Variants in SPINK2 observed in about 807,000 individuals in gnomAD.
The protein encoded by SPINK2 is serine protease inhibitor Kazal-type 2.
SPINK2 carries 8 observed loss-of-function variants against 13.5 expected under a neutral mutation model. The ratio of observed to expected loss-of-function variants is 0.59; its 90% CI spans 0.35 to 1.07. SPINK2 has a LOEUF of 1.07. SPINK2 is among the 50% of genes least tolerant of loss of function. The pLI is 0.02. For missense variants in SPINK2, 148 were observed against 180.3 expected (o/e 0.82, Z 1.03); for synonymous variants, 76 against 74.7 (o/e 1.02, Z -0.09).
chr4:56,812,563 C>CAAAAAAAAAAA lies in SPINK2; in HGVS notation c.250-780_250-770dup, dbSNP rs57162077. 1.9e-3 allele frequency among the ~76,000 whole-genome samples: 31 copies of CAAAAAAAAAAA among 16,368 alleles called. 1 individual carries two copies. The highest frequency in any genetic ancestry group is 0.12 in the Middle Eastern group (2 of 16). The allele number at this position is 16,368 out of a possible 152,430, so 10.7% of individuals were successfully genotyped here. ...GGGCAACGAGAACGAAACTCCATCT[C>CAAAAAAAAAAA]AAAAAAAAAAAAAAAAAAAAAAAAA... On this transcript the variant is annotated intron_variant, in intron 2 of 3. Coordinates refer to ENST00000506738, the MANE Select transcript of SPINK2 (RefSeq NM_001271718.2).
chr4:56,818,016 G>T (rs1357882541), intron 2 of SPINK2, among the ~76,000 whole-genome samples: 1 of 152,230 alleles, frequency 6.6e-6, no homozygotes, highest in Non-Finnish European at 1.5e-5. Context: ...GCTACATTCA[G>T]TTGAGGTTTT....
intron 2 of SPINK2, among the ~76,000 whole-genome samples, chr4:56,816,999 C>T (rs1435778666): frequency 6.6e-6 from 1 of 151,798 alleles, no homozygotes; most frequent in Non-Finnish European, 1.5e-5. Context: ...GTCAGGAGTT[C>T]GAGACCAGCC....
chr4:56,821,650 C>G lies in SPINK2; in HGVS notation c.13G>C (p.Val5Leu). The G allele has an allele frequency of 6.5e-7, 1 of 1,541,540 alleles. No homozygotes were observed. Among genetic ancestry groups the G allele is most frequent in the Non-Finnish European group, 8.7e-7 (1 of 1,145,216 alleles). Residue 5 changes from valine (V) to leucine (L), a missense_variant, in exon 1 of 4, where the codon GTG (valine) becomes CTG (leucine). Val to Leu is a conservative substitution (Grantham distance 32). Transcript: ENST00000506738. ...AGGAGCAGCAGCGCCAAGCGCAGCA[C>G]CGACAGCGCCATCCTCCTCCCGCGC... MALS[V>L]LRLALLLLAV...
At chr4:56,820,200 T>C (rs1169297584) in intron 2 of SPINK2, among the ~76,000 whole-genome samples, 1 of 152,190 alleles carries the variant, frequency 6.6e-6, no homozygotes, top group Non-Finnish European at 1.5e-5. Context: ...TAACAAGCCC[T>C]GAAAAACATA....
At chr4:56,814,565 G>A (rs1717266938) in intron 2 of SPINK2, among the ~76,000 whole-genome samples, 1 of 151,820 alleles carries the variant, frequency 6.6e-6, no homozygotes, top group East Asian at 1.9e-4. Flanking sequence ...TCTACCGCAA[G>A]GAAATAAAAT....
intron 2 of SPINK2, 75 bp from the exon 3 acceptor site, chr4:56,811,869 T>A: frequency 3.3e-6 from 2 of 601,692 alleles, no homozygotes; most frequent in South Asian, 2.6e-5. Flanking sequence ...GGAGAAAATG[T>A]CCCAGATCTC....
chr4:56,811,067 T>A (rs2109646641), intron 3 of SPINK2, among the ~76,000 whole-genome samples: 1 of 152,264 alleles, frequency 6.6e-6, no homozygotes, highest in South Asian at 2.1e-4. Flanking sequence ...AAAATAAAAT[T>A]TAATACTCCA....
chr4:56,818,657 G>A (rs779017730), intron 2 of SPINK2, among the ~76,000 whole-genome samples: 2 of 151,826 alleles, frequency 1.3e-5, no homozygotes, highest in Admixed American at 1.3e-4. Context: ...GCAAGACTCC[G>A]TCTCCAAAAA....
chr4:56,821,291 A>AT (rs1253185790), intron 1 of SPINK2, 167 bp downstream of exon 1: 3 of 985,238 alleles, frequency 3.0e-6, no homozygotes, highest in Non-Finnish European at 3.6e-6. Flanking sequence ...GGGACCATAC[A>AT]TAAAAACTCA....
intron 2 of SPINK2, among the ~76,000 whole-genome samples, chr4:56,812,563 CAAAAAAAAAA>C (rs57162077): frequency 2.4e-4 from 4 of 16,366 alleles, no homozygotes; most frequent in East Asian, 2.8e-3. Flanking sequence ...AACTCCATCT[CAAAAAAAAAA>C]AAAAAAAAAA....
At chr4:56,820,396 G>T in intron 2 of SPINK2, 140 bp downstream of exon 2, 1 of 620,108 alleles carries the variant, frequency 1.6e-6, no homozygotes. Context: ...GAATCAAAAG[G>T]CCTGCCTGAC....
chr4:56,814,971 A>G (rs4992859), intron 2 of SPINK2, among the ~76,000 whole-genome samples: 1 of 124,442 alleles, frequency 8.0e-6, no homozygotes, highest in Admixed American at 8.0e-5. Context: ...AAAAAAAAAA[A>G]AAAAAAAAAA....
At chr4:56,819,156 G>A (rs1373885584) in intron 2 of SPINK2, among the ~76,000 whole-genome samples, 2 of 152,174 alleles carry the variant, frequency 1.3e-5, no homozygotes, top group East Asian at 1.9e-4. Context: ...GGTGTGGCAT[G>A]TAGGTATCTA....
intron 2 of SPINK2, among the ~76,000 whole-genome samples, chr4:56,820,334 A>AT (rs1393984478): frequency 6.6e-6 from 1 of 152,238 alleles, no homozygotes; most frequent in Non-Finnish European, 1.5e-5. Flanking sequence ...CTTTAAAGGA[A>AT]ATATTAACAC....
chr4:56,818,679 C>G lies in SPINK2; in HGVS notation c.249+1857G>C, dbSNP rs1717659621. ...TCCGTCTCCAAAAAACAAAAAAAGA[C>G]AGCAGGTCCTGCAGCACTTGCCTTG... On this transcript the variant is annotated intron_variant, in intron 2 of 3. Transcript: ENST00000506738. 2.6e-5 allele frequency among the ~76,000 whole-genome samples: 4 copies of G among 152,068 alleles called. 1 individual carries two copies. The highest frequency in any genetic ancestry group is 9.7e-5 in the African/African-American group (4 of 41,406).
At chr4:56,810,849 G>A (rs762634581) in intron 3 of SPINK2, among the ~76,000 whole-genome samples, 1 of 151,110 alleles carries the variant, frequency 6.6e-6, no homozygotes, top group African/African-American at 2.4e-5. Flanking sequence ...AGAGAAGACC[G>A]ACTAAGGTCA....
rs978824091 is a variant in SPINK2, at chr4:56,816,720, C to T, written c.249+3816G>A. The stretch of plus-strand genomic sequence containing the variant: ...ATATAGATATATATACATATATACA[C>T]GAAAAAAAATTAGCTGGGCATGGTG... On this transcript the variant is annotated intron_variant, in intron 2 of 3. Coordinates refer to ENST00000506738, the MANE Select transcript of SPINK2 (RefSeq NM_001271718.2). 12 of 141,336 alleles carry T rather than the reference C, an allele frequency of 8.5e-5. No homozygotes were observed. In the South Asian group the frequency reaches 1.3e-3, roughly 16 times the overall value. The allele number at this position is 141,336 out of a possible 1,614,324, so 8.8% of individuals were successfully genotyped here.
chr4:56,818,662 C>CA (rs1282996772), intron 2 of SPINK2, among the ~76,000 whole-genome samples: 2 of 151,428 alleles, frequency 1.3e-5, no homozygotes, highest in African/African-American at 2.4e-5. Flanking sequence ...ACTCCGTCTC[C>CA]AAAAAACAAA....
chr4:56,817,089 C>A (rs1273931413), intron 2 of SPINK2, among the ~76,000 whole-genome samples: 2 of 151,940 alleles, frequency 1.3e-5, no homozygotes, highest in Non-Finnish European at 2.9e-5. Flanking sequence ...GTAATCCCAG[C>A]TACTCAGGAG....
Sources: gnomAD v4.1 joint callset for allele counts (sites outside exome capture counted in the v4.1 genomes callset) on GRCh38, gnomAD v4.1.1 for gene constraint, MANE v1.5 for transcripts, NCBI Gene and HGNC (gene_info 2026-07-23, HGNC 2026-07-21) for gene names.